The following ALDH3B1 variants were observed in gnomAD, a reference collection of about 807,000 sequenced individuals.
The protein encoded by ALDH3B1 is aldehyde dehydrogenase 3 family member B1.
In ALDH3B1, 37 loss-of-function variants were observed where a neutral mutation model predicts 46.2. That is an observed-to-expected ratio of 0.80 (90% CI 0.62 to 1.05). ALDH3B1 has a LOEUF of 1.05. Ranked by LOEUF, ALDH3B1 falls within the 50% of genes least tolerant of loss-of-function variation. The pLI is 0.00. For missense variants in ALDH3B1, 603 were observed against 665.5 expected (o/e 0.91, Z 1.03); for synonymous variants, 283 against 281.0 (o/e 1.01, Z -0.07).
Position 68,022,677 on chromosome 11 carries a change from C to CA in ALDH3B1, c.1032_1033insA (p.Val345SerfsTer137), listed in dbSNP as rs1857532225. The CA allele has an allele frequency of 1.2e-6, 2 of 1,614,042 alleles. No individual in the cohort carries two copies. Among genetic ancestry groups the CA allele is most frequent in the African/African-American group, 2.7e-5 (2 of 74,922 alleles). ...TCGGGCCCATCCTGCCCATCGTGAA[C>CA]GTGCAGAGCTTGGACGAGGCCATCG... On this transcript the variant is annotated frameshift_variant, in exon 8 of 10. Transcript: ENST00000342456. LOFTEE classifies it high-confidence loss of function.
At chr11:68,010,203 C>G (rs764686295), upstream of ALDH3B1, 1 of 152,274 alleles carries the variant, frequency 6.6e-6, no homozygotes, top group Non-Finnish European at 1.5e-5. Flanking sequence ...TCGAGGCCCC[C>G]GAGGGAGGCG....
In ALDH3B1 at chr11:68,019,701, A is replaced by G; in HGVS notation, c.481-14A>G. ...TGGGGTCCCAGAAGGAGCCTCACCC[A>G]TCCCGCCTTGCAGAGCTGCTTTGCT... is the stretch of plus-strand genomic sequence containing the variant. On this transcript the variant is annotated splice_polypyrimidine_tract_variant and intron_variant, in intron 5 of 9. Coordinates refer to ENST00000342456, the MANE Select transcript of ALDH3B1 (RefSeq NM_000694.4). 6.2e-7 allele frequency: 1 copy of G among 1,613,348 alleles called. No homozygotes were observed. The highest frequency in any genetic ancestry group is 8.5e-7 in the Non-Finnish European group (1 of 1,179,554).
chr11:68,026,262 C>T (rs1486851353), intron 9 of ALDH3B1, among the ~76,000 whole-genome samples, 154 bp downstream of exon 9: 1 of 152,168 alleles, frequency 6.6e-6, no homozygotes, highest in South Asian at 2.1e-4. Context: ...GCTCCCCACC[C>T]CAGAGGGTCT....
chr11:68,019,363 C>A, intron 5 of ALDH3B1, 108 bp downstream of exon 5: 1 of 943,836 alleles, frequency 1.1e-6, no homozygotes, highest in Non-Finnish European at 1.6e-6. Flanking sequence ...CCACCTCAAT[C>A]CTGCCTCTTC....
chr11:68,022,422 G>A (rs1192361226), intron 7 of ALDH3B1, among the ~76,000 whole-genome samples, 173 bp from the exon 8 acceptor site: 1 of 152,194 alleles, frequency 6.6e-6, no homozygotes, highest in African/African-American at 2.4e-5. Flanking sequence ...CCCTTCTGGG[G>A]GGCTGTGGGG....
intron 1 of ALDH3B1, among the ~76,000 whole-genome samples, chr11:68,012,345 T>C (rs1052375613): frequency 3.0e-4 from 45 of 152,122 alleles, no homozygotes; most frequent in Admixed American, 2.9e-3. Context: ...CTGAGTATTG[T>C]TTTTAGAGGC....
At chr11:68,022,550 G>A in intron 7 of ALDH3B1, 45 bp from the exon 8 acceptor site, 1 of 1,604,506 alleles carries the variant, frequency 6.2e-7, no homozygotes, top group Non-Finnish European at 8.5e-7. Context: ...CCTGGGGGCG[G>A]TCCTGACTGT....
At position 68,018,609 on chromosome 11, in the gene ALDH3B1, T is replaced by A. The variant is rs759827442; in HGVS notation, c.245T>A (p.Met82Lys). ...TLALRNLRAW[M>K]KDERVPKNLA... Reference sequence around the variant, plus strand: ...GCCCTCAGGAACCTCCGGGCCTGGATGAAGGACGAGCGTGTGCCCAAGAAC... The same window carrying A: ...GCCCTCAGGAACCTCCGGGCCTGGAAGAAGGACGAGCGTGTGCCCAAGAAC... Residue 82 changes from methionine (M) to lysine (K), a missense_variant, in exon 3 of 10, where the codon ATG becomes AAG. Transcript: ENST00000342456. 7 of 1,580,680 alleles carry A rather than the reference T, an allele frequency of 4.4e-6. No individual in the cohort carries two copies. Among genetic ancestry groups the A allele is most frequent in the Non-Finnish European group, 6.0e-6 (7 of 1,163,944 alleles).
intron 6 of ALDH3B1, among the ~76,000 whole-genome samples, chr11:68,020,155 A>T (rs1590777522): frequency 6.6e-6 from 1 of 151,466 alleles, no homozygotes; most frequent in Non-Finnish European, 1.5e-5. Flanking sequence ...GCCCAGGGTC[A>T]CCCTGCTGGC....
At chr11:68,026,131 TTC>T in intron 9 of ALDH3B1, 23 bp downstream of exon 9, 1 of 1,564,606 alleles carries the variant, frequency 6.4e-7, no homozygotes. Context: ...TACCCTGCCC[TTC>T]TGTTACCATT....
intron 2 of ALDH3B1, 82 bp from the exon 3 acceptor site, chr11:68,018,445 G>A (rs1478688140): frequency 1.9e-6 from 2 of 1,030,880 alleles, no homozygotes; most frequent in Non-Finnish European, 2.9e-6. Context: ...AGTTGTGGAA[G>A]CAGGCCCTGC....
intron 9 of ALDH3B1, 120 bp downstream of exon 9, chr11:68,026,228 G>C (rs976495900): frequency 1.1e-6 from 1 of 870,732 alleles, no homozygotes; most frequent in Admixed American, 3.1e-5. Flanking sequence ...AGGCAAGGAG[G>C]CCTCACCCCA....
chr11:68,022,049 C>G (rs553408756), intron 7 of ALDH3B1, among the ~76,000 whole-genome samples, 178 bp downstream of exon 7: 1 of 152,340 alleles, frequency 6.6e-6, no homozygotes, highest in South Asian at 2.1e-4. Flanking sequence ...AGTCTGTGGC[C>G]CTATGAGGCC....
chr11:68,010,267 C>G (rs891774751), upstream of ALDH3B1: 1 of 152,240 alleles, frequency 6.6e-6, no homozygotes, highest in Non-Finnish European at 1.5e-5. Context: ...GAGTCAGGCA[C>G]GAGGCTAGGG....
chr11:68,024,298 C>G (rs986864843), intron 8 of ALDH3B1: 3 of 152,216 alleles, frequency 2.0e-5, no homozygotes, highest in African/African-American at 7.2e-5. Flanking sequence ...CCTTCACTAC[C>G]GGGTCAGGAC....
At position 68,029,011 on chromosome 11, in the gene ALDH3B1, A is replaced by C. The variant is rs941351913; in HGVS notation, c.*1072A>C. The C allele has an allele frequency of 7.2e-5, 11 of 151,926 alleles. No homozygotes were observed. The highest frequency in any genetic ancestry group is 1.6e-4 in the Non-Finnish European group (11 of 68,016). The allele number at this position is 151,926 out of a possible 1,614,324, so 9.4% of individuals were successfully genotyped here. A position where few individuals can be genotyped will look rare whatever the true frequency, so the allele number is the denominator to read the frequency against. ...GGTTTCCTGCCTGACAACCCTTCTC[A>C]CCTCCCAAGTCCCACTTTTGAACAA... On this transcript the variant is annotated 3_prime_UTR_variant, in exon 10 of 10. Coordinates refer to ENST00000342456, the MANE Select transcript of ALDH3B1 (RefSeq NM_000694.4).
chr11:68,026,062 C>A lies in ALDH3B1; in HGVS notation c.1170C>A (p.Asp390Glu), dbSNP rs200756299. 1.2e-6 allele frequency: 2 copies of A among 1,609,218 alleles called. No individual in the cohort carries two copies. The highest frequency in any genetic ancestry group is 2.2e-5 in the East Asian group (1 of 44,574). Residue 390 changes from aspartate to glutamate, a missense_variant, in exon 9 of 10, where the codon GAC becomes GAA. By Grantham distance (45) the Asp-to-Glu change is conservative. Transcript: ENST00000342456. Reference protein sequence around the residue: ...QTSSGGFCGNDGFMHMTLASL... With the variant: ...QTSSGGFCGNEGFMHMTLASL... ...GCAGCGGGGGCTTCTGTGGGAACGA[C>A]GGCTTCATGCACATGACCCTGGCCA...
At chr11:68,027,692 G>C in intron 9 of ALDH3B1, 57 bp from the exon 10 acceptor site, 1 of 1,521,656 alleles carries the variant, frequency 6.6e-7, no homozygotes, top group Non-Finnish European at 8.9e-7. Flanking sequence ...AGGCCCCACT[G>C]TCTGTGACTA....
rs2286170 is a variant in ALDH3B1, at chr11:68,015,477, G to T, written c.162+18G>T. 347,102 of 1,565,344 alleles carry T rather than the reference G, an allele frequency of 0.22. 39,979 individuals are homozygous for T. Among genetic ancestry groups the T allele is most frequent in the Non-Finnish European group, 0.23 (263,362 of 1,155,434 alleles). ...TGCACAAGGTGGGCTGGGGTTGGGG[G>T]TATGAGAGGGTGCACTGGGGCAGGG... is the stretch of plus-strand genomic sequence containing the variant. On this transcript the variant is annotated intron_variant, in intron 2 of 9. Coordinates refer to ENST00000342456, the MANE Select transcript of ALDH3B1 (RefSeq NM_000694.4).
Sources: allele counts gnomAD v4.1 joint callset (sites outside exome capture counted in the v4.1 genomes callset), GRCh38; gene constraint gnomAD v4.1.1; transcripts MANE v1.5; gene names NCBI Gene and HGNC (gene_info 2026-07-23, HGNC 2026-07-21).